EDC3: variants seen among roughly 807,000 people sequenced by gnomAD.
The protein encoded by EDC3 is enhancer of mRNA decapping 3, also known as enhancer of mRNA-decapping protein 3.
Under a neutral mutation model 41.8 loss-of-function variants are expected in EDC3, and 20 were observed. The observed-to-expected ratio is 0.48, with a 90% CI of 0.34 to 0.70. The LOEUF (loss-of-function observed/expected upper bound fraction) is 0.70. Among genes scored for constraint, EDC3 ranks in the 30% least tolerant of loss-of-function variants. EDC3 has a pLI of 0.01. For missense variants in EDC3, 444 were observed against 636.8 expected (o/e 0.70, Z 3.26); for synonymous variants, 206 against 243.2 (o/e 0.85, Z 1.42).
chr15:74,680,453 C>A (rs890610082), intron 1 of EDC3, among the ~76,000 whole-genome samples: 2 of 151,918 alleles, frequency 1.3e-5, no homozygotes, highest in Non-Finnish European at 1.5e-5. Context: ...CCCATTCATT[C>A]TTTTTTTAAA....
Position 74,635,640 on chromosome 15 carries a change from T to G in EDC3, c.975-14A>C. 6.2e-7 allele frequency: 1 copy of G among 1,610,312 alleles called. No homozygotes were observed. The highest frequency in any genetic ancestry group is 8.5e-7 in the Non-Finnish European group (1 of 1,177,030). Reference sequence around the variant, plus strand: ...TTGGGATTCAACCTGGAAAAGAAGGTGAAGAAGCAGTATCAGCTACATACT... The same window carrying G: ...TTGGGATTCAACCTGGAAAAGAAGGGGAAGAAGCAGTATCAGCTACATACT... On this transcript the variant is annotated splice_polypyrimidine_tract_variant and intron_variant, in intron 5 of 6. Transcript: ENST00000315127.
chr15:74,663,015 G>GTGGCTCAACA (rs1226232989), intron 3 of EDC3, among the ~76,000 whole-genome samples: 1 of 152,236 alleles, frequency 6.6e-6, no homozygotes, highest in Admixed American at 6.5e-5. Context: ...GCCTGGCGCA[G>GTGGCTCAACA]TGGCTCAACA....
chr15:74,669,994 C>G (rs1465822705), intron 3 of EDC3, among the ~76,000 whole-genome samples: 1 of 150,258 alleles, frequency 6.7e-6, no homozygotes, highest in Non-Finnish European at 1.5e-5. Flanking sequence ...CAGGTGCACG[C>G]TGCCACGCCC....
intron 4 of EDC3, among the ~76,000 whole-genome samples, chr15:74,649,263 G>A (rs2062453427): frequency 7.9e-5 from 12 of 151,370 alleles, no homozygotes; most frequent in Admixed American, 7.9e-4. Flanking sequence ...TAGAGACGGG[G>A]TTTCACCGTG....
chr15:74,661,364 T>C (rs2062617959), intron 3 of EDC3, among the ~76,000 whole-genome samples: 1 of 152,166 alleles, frequency 6.6e-6, no homozygotes, highest in African/African-American at 2.4e-5. Context: ...ACATCAAAAC[T>C]CTGCAAACTA....
At chr15:74,693,866 C>T (rs2063035853) in intron 1 of EDC3, among the ~76,000 whole-genome samples, 1 of 152,088 alleles carries the variant, frequency 6.6e-6, no homozygotes, top group Non-Finnish European at 1.5e-5. Flanking sequence ...TGCTTGTAGT[C>T]CCAGGTACTT....
intron 3 of EDC3, among the ~76,000 whole-genome samples, chr15:74,656,819 G>A (rs2062554889): frequency 6.6e-6 from 1 of 152,160 alleles, no homozygotes; most frequent in Non-Finnish European, 1.5e-5. Flanking sequence ...GACTCAGTCA[G>A]CAGAGATGAG....
chr15:74,668,129 G>C (rs1282847865), intron 3 of EDC3, among the ~76,000 whole-genome samples: 1 of 152,116 alleles, frequency 6.6e-6, no homozygotes, highest in Admixed American at 6.6e-5. Context: ...TACCAACTGA[G>C]AGACATTCTA....
At chr15:74,642,464 G>C (rs117030772) in intron 4 of EDC3, 3 of 152,142 alleles carry the variant, frequency 2.0e-5, no homozygotes, top group African/African-American at 7.2e-5. Context: ...CTTCAGACAC[G>C]CACATATTAT....
chr15:74,671,638 C>T lies in EDC3; in HGVS notation c.301G>A (p.Gly101Ser). 1 of 1,614,146 alleles carries T rather than the reference C, an allele frequency of 6.2e-7. No individual in the cohort carries two copies. The highest frequency in any genetic ancestry group is 8.5e-7 in the Non-Finnish European group (1 of 1,180,022). ...CQVGINQNGT[G>S]KFVKKPASSS... The stretch of plus-strand genomic sequence containing the variant: ...GAGGCTGGCTTCTTGACAAACTTGC[C>T]TGTGCCATTCTGATTGATGCCCACT... Residue 101 changes from glycine (G) to serine (S), a missense_variant, in exon 3 of 7, where the codon GGC becomes AGC. By Grantham distance (56) the Gly-to-Ser change is moderately conservative (BLOSUM62 0). Transcript: ENST00000315127. The surrounding 1 kb of genome is among the most constrained non-coding windows in gnomAD (Gnocchi z 4.6).
intron 2 of EDC3, among the ~76,000 whole-genome samples, chr15:74,673,084 G>A (rs923501463): frequency 6.6e-6 from 1 of 152,022 alleles, no homozygotes; most frequent in Non-Finnish European, 1.5e-5. Context: ...CTAAAGGGAC[G>A]GATGTTGTGG....
At chr15:74,641,776 A>C (rs2062354889) in intron 4 of EDC3, 1 of 153,180 alleles carries the variant, frequency 6.5e-6, no homozygotes, top group African/African-American at 2.4e-5. Context: ...GAGGTAAGGA[A>C]ATTAATCTTT....
chr15:74,690,462 C>T (rs1197553357), intron 1 of EDC3, among the ~76,000 whole-genome samples: 1 of 152,208 alleles, frequency 6.6e-6, no homozygotes, highest in Non-Finnish European at 1.5e-5. Context: ...CTAGCTACCT[C>T]CATCTCTGTG....
chr15:74,658,624 GAAAAAAAAAAAAAA>G (rs60193835), intron 3 of EDC3, among the ~76,000 whole-genome samples: 13 of 39,046 alleles, frequency 3.3e-4, no homozygotes, highest in East Asian at 1.4e-3. Flanking sequence ...TTACGTCTCT[GAAAAAAAAAAAAAA>G]AAAAAAAAAA....
At chr15:74,694,985 C>T (rs2063049228) in intron 1 of EDC3, among the ~76,000 whole-genome samples, 1 of 151,680 alleles carries the variant, frequency 6.6e-6, no homozygotes, top group African/African-American at 2.4e-5. Flanking sequence ...GATTAGGATC[C>T]ATCTGGGTGT....
intron 1 of EDC3, among the ~76,000 whole-genome samples, chr15:74,688,456 T>A (rs1276608264): frequency 4.6e-5 from 7 of 152,256 alleles, no homozygotes; most frequent in South Asian, 4.1e-4. Flanking sequence ...CAAGACAGAC[T>A]ATTTCCAACA....
Position 74,671,975 on chromosome 15 carries a change from C to G in EDC3, c.165-201G>C, listed in dbSNP as rs2062743849. Among the ~76,000 whole-genome samples the G allele has an allele frequency of 6.6e-6, 1 of 151,960 alleles. No individual in the cohort carries two copies. On this transcript the variant is annotated intron_variant, in intron 2 of 6. Transcript: ENST00000315127. This position sits in a 1 kb window ranked among gnomAD's most constrained non-coding sequence, Gnocchi z 4.6. Reference sequence around the variant, plus strand: ...CACAATGCTAGCCTTTAAAAAGAGGCTATTGGCCGGGCACGGTGGCTCACG... The same window carrying G: ...CACAATGCTAGCCTTTAAAAAGAGGGTATTGGCCGGGCACGGTGGCTCACG...
At chr15:74,684,008 T>C (rs907712359) in intron 1 of EDC3, among the ~76,000 whole-genome samples, 1 of 151,894 alleles carries the variant, frequency 6.6e-6, no homozygotes, top group African/African-American at 2.4e-5. Context: ...TGAGCTATGA[T>C]TGTACCACTG....
chr15:74,675,112 A>G lies in EDC3; in HGVS notation c.13T>C (p.Trp5Arg). 1 of 1,613,448 alleles carries G rather than the reference A, an allele frequency of 6.2e-7. No homozygotes were observed. Among genetic ancestry groups the G allele is most frequent in the Non-Finnish European group, 8.5e-7 (1 of 1,180,034 alleles). Residue 5 changes from tryptophan to arginine, a missense_variant, in exon 2 of 7, where the codon TGG becomes CGG. Coordinates refer to ENST00000315127, the MANE Select transcript of EDC3 (RefSeq NM_025083.5). MATD[W>R]LGSIVSINCG... The stretch of plus-strand genomic sequence containing the variant: ...TTGATGGACACAATACTTCCCAGCC[A>G]ATCTGTAGCCATGTTTCACACGTGA...
Sources: allele counts gnomAD v4.1 joint callset (sites outside exome capture counted in the v4.1 genomes callset), GRCh38; gene constraint gnomAD v4.1.1; non-coding constraint Gnocchi (gnomAD v3.1); transcripts MANE v1.5; gene names NCBI Gene and HGNC (gene_info 2026-07-23, HGNC 2026-07-21).